Variants in KCTD16 observed in about 807,000 individuals in gnomAD.
KCTD16 encodes the protein BTB/POZ domain-containing protein KCTD16.
KCTD16 carries 13 observed loss-of-function variants against 33.2 expected under a neutral mutation model. The observed-to-expected ratio is 0.39, with a 90% CI of 0.25 to 0.62. The LOEUF is 0.62. Among genes scored for constraint, KCTD16 ranks in the 20% least tolerant of loss-of-function variants. The pLI is 0.50. For missense variants in KCTD16, 441 were observed against 525.1 expected (o/e 0.84, Z 1.57); for synonymous variants, 197 against 195.3 (o/e 1.01, Z -0.07).
intron 3 of KCTD16, among the ~76,000 whole-genome samples, chr5:144,379,494 A>G (rs776012110): frequency 2.0e-5 from 3 of 152,114 alleles, no homozygotes; most frequent in Non-Finnish European, 4.4e-5. Flanking sequence ...CTTTTGGAGG[A>G]TATCTTTAAG....
At position 144,305,881 on chromosome 5, in the gene KCTD16, A is replaced by C. The variant is rs540275536; in HGVS notation, c.832+98335A>C. 2.0e-5 allele frequency among the ~76,000 whole-genome samples: 3 copies of C among 152,302 alleles called. No homozygotes were observed. In the South Asian group the frequency reaches 6.2e-4, roughly 32 times the overall value. On this transcript the variant is annotated intron_variant, in intron 3 of 3. Transcript: ENST00000512467. Reference sequence around the variant, plus strand: ...GAGTCCACCTATAAGCCAAGGAGAGAGCCCTCAGAAGAAAGCAATCCTGTG... The same window carrying C: ...GAGTCCACCTATAAGCCAAGGAGAGCGCCCTCAGAAGAAAGCAATCCTGTG...
chr5:144,395,469 A>G (rs931621269), intron 3 of KCTD16, among the ~76,000 whole-genome samples: 14 of 152,116 alleles, frequency 9.2e-5, no homozygotes, highest in African/African-American at 3.4e-4. Flanking sequence ...TAAAGTTCTT[A>G]TGGATATATT....
intron 3 of KCTD16, among the ~76,000 whole-genome samples, chr5:144,451,012 G>A (rs938173286): frequency 2.0e-5 from 3 of 152,084 alleles, no homozygotes; most frequent in Non-Finnish European, 2.9e-5. Context: ...GGAAATTTTG[G>A]AGGTGATGAA....
chr5:144,341,161 A>G (rs1466167180), intron 3 of KCTD16, among the ~76,000 whole-genome samples: 3 of 152,164 alleles, frequency 2.0e-5, no homozygotes, highest in African/African-American at 7.2e-5. Context: ...TTGTTTAGCC[A>G]TGCAATATAT....
chr5:144,343,416 G>A (rs537165992), intron 3 of KCTD16, among the ~76,000 whole-genome samples: 2 of 152,228 alleles, frequency 1.3e-5, no homozygotes, highest in Admixed American at 1.3e-4. Context: ...TGTGGGATTG[G>A]TGGTGATATC....
chr5:144,429,880 C>T (rs1753419201), intron 3 of KCTD16, among the ~76,000 whole-genome samples: 1 of 151,176 alleles, frequency 6.6e-6, no homozygotes, highest in African/African-American at 2.4e-5. Flanking sequence ...ACCTTTAAAT[C>T]TAAAGACCAA....
chr5:144,177,042 T>G (rs1191774648), intron 2 of KCTD16, among the ~76,000 whole-genome samples: 1 of 152,196 alleles, frequency 6.6e-6, no homozygotes, highest in African/African-American at 2.4e-5. Context: ...TAGGTCCCAC[T>G]TGTCAATTTT....
At chr5:144,378,518 A>G (rs1752142388) in intron 3 of KCTD16, among the ~76,000 whole-genome samples, 1 of 152,212 alleles carries the variant, frequency 6.6e-6, no homozygotes. Flanking sequence ...AATTCTGGAA[A>G]TAATTACTTA....
intron 3 of KCTD16, among the ~76,000 whole-genome samples, chr5:144,470,482 A>AGCTGGAT (rs1195428491): frequency 1.7e-4 from 26 of 152,332 alleles, no homozygotes; most frequent in African/African-American, 5.8e-4. Context: ...ATATTGGATC[A>AGCTGGAT]GCTGGATGGG....
chr5:144,255,619 TG>T (rs1263029031), intron 3 of KCTD16, among the ~76,000 whole-genome samples: 6 of 152,236 alleles, frequency 3.9e-5, no homozygotes, highest in African/African-American at 1.4e-4. Flanking sequence ...ATATCTTCTT[TG>T]GAGAAATGTC....
intron 2 of KCTD16, among the ~76,000 whole-genome samples, chr5:144,176,868 A>C (rs1224731859): frequency 6.6e-6 from 1 of 152,036 alleles, no homozygotes; most frequent in Admixed American, 6.5e-5. Context: ...TCTGTTGTCC[A>C]TTTTTATGTG....
chr5:144,473,546 CATGGT>C (rs1372711462), intron 3 of KCTD16, 109 bp from the exon 4 acceptor site: 18 of 1,105,338 alleles, frequency 1.6e-5, no homozygotes, highest in Non-Finnish European at 1.7e-5. Flanking sequence ...TTTCTAAAAG[CATGGT>C]TCTGCGATGC....
chr5:144,406,568 T>C lies in KCTD16; in HGVS notation c.833-67092T>C, dbSNP rs115974708. Among the ~76,000 whole-genome samples, 586 of 152,314 alleles carry C rather than the reference T, an allele frequency of 3.8e-3. 1 individual carries two copies. Among genetic ancestry groups the C allele is most frequent in the South Asian group, 0.015 (71 of 4,828 alleles). ...GCAAGATTTTCCCCTTCCTTATTATTCTGTGGTCGAGATGCACCGGTTATG... is the reference window on the plus strand; with the variant it reads ...GCAAGATTTTCCCCTTCCTTATTATCCTGTGGTCGAGATGCACCGGTTATG... On this transcript the variant is annotated intron_variant, in intron 3 of 3. Coordinates refer to ENST00000512467, the MANE Select transcript of KCTD16 (RefSeq NM_020768.4).
At chr5:144,237,353 A>G (rs1754282952) in intron 3 of KCTD16, among the ~76,000 whole-genome samples, 1 of 152,112 alleles carries the variant, frequency 6.6e-6, no homozygotes, top group African/African-American at 2.4e-5. Flanking sequence ...GCATATTGGT[A>G]CATATTAAAG....
At chr5:144,390,669 C>G (rs1308379951) in intron 3 of KCTD16, among the ~76,000 whole-genome samples, 2 of 151,934 alleles carry the variant, frequency 1.3e-5, no homozygotes, top group East Asian at 1.9e-4. Flanking sequence ...TAATGCTATC[C>G]CTCCCCTTGC....
intron 3 of KCTD16, among the ~76,000 whole-genome samples, chr5:144,444,925 G>C (rs1429062304): frequency 1.3e-5 from 2 of 148,402 alleles, no homozygotes; most frequent in African/African-American, 4.9e-5. Flanking sequence ...TACAATTCTA[G>C]TATATATTAC....
At chr5:144,241,572 G>A (rs1754404904) in intron 3 of KCTD16, among the ~76,000 whole-genome samples, 1 of 152,170 alleles carries the variant, frequency 6.6e-6, no homozygotes, top group South Asian at 2.1e-4. Context: ...TGAAAGGATT[G>A]TAAGTATAAA....
At chr5:144,464,689 A>C (rs349689) in intron 3 of KCTD16, among the ~76,000 whole-genome samples, 66,042 of 149,912 alleles carry the variant, frequency 0.44, 14,699 homozygotes, top group East Asian at 0.68. Flanking sequence ...TCCTCCTCTT[A>C]CTCCTCTTCT....
chr5:144,361,694 C>T (rs956691544), intron 3 of KCTD16, among the ~76,000 whole-genome samples: 3 of 152,118 alleles, frequency 2.0e-5, no homozygotes, highest in African/African-American at 7.2e-5. Flanking sequence ...AAATATTTTA[C>T]TCAGGATATC....
Sources: allele counts gnomAD v4.1 joint callset (sites outside exome capture counted in the v4.1 genomes callset), GRCh38; gene constraint gnomAD v4.1.1; transcripts MANE v1.5; gene names NCBI Gene and HGNC (gene_info 2026-07-23, HGNC 2026-07-21).